Variants in ITGB3BP observed in about 807,000 individuals in gnomAD.
The protein encoded by ITGB3BP is integrin subunit beta 3 binding protein, also known as centromere protein R.
ITGB3BP carries 27 observed loss-of-function variants against 29.1 expected under a neutral mutation model. The ratio of observed to expected loss-of-function variants is 0.93; its 90% CI spans 0.68 to 1.28. The LOEUF (loss-of-function observed/expected upper bound fraction) is 1.28. Among genes scored for constraint, ITGB3BP ranks in the 50% most tolerant of loss-of-function variants. The pLI is 0.00. For missense variants in ITGB3BP, 192 were observed against 200.2 expected (o/e 0.96, Z 0.25); for synonymous variants, 61 against 61.4 (o/e 0.99, Z 0.03).
intron 7 of ITGB3BP, among the ~76,000 whole-genome samples, chr1:63,448,054 T>A (rs1644810204): frequency 2.6e-5 from 4 of 151,150 alleles, no homozygotes. Context: ...TTGGAAATCA[T>A]CATTCTCAGT....
intron 3 of ITGB3BP, among the ~76,000 whole-genome samples, chr1:63,480,365 T>C (rs1298917699): frequency 6.6e-6 from 1 of 152,182 alleles, no homozygotes; most frequent in East Asian, 1.9e-4. Context: ...GAGTACTTTA[T>C]ACTACCATAT....
At chr1:63,501,529 T>C (rs1311720948) in intron 2 of ITGB3BP, among the ~76,000 whole-genome samples, 2 of 151,840 alleles carry the variant, frequency 1.3e-5, no homozygotes, top group Non-Finnish European at 2.9e-5. Context: ...TGTTCTAGGA[T>C]TGGAGAGATT....
intron 1 of ITGB3BP, among the ~76,000 whole-genome samples, chr1:63,514,324 A>G (rs1646263979): frequency 6.6e-6 from 1 of 152,140 alleles, no homozygotes; most frequent in South Asian, 2.1e-4. Flanking sequence ...AACACCTTTT[A>G]CAAGTTTTTT....
chr1:63,456,282 G>C (rs1644935410), intron 4 of ITGB3BP, among the ~76,000 whole-genome samples: 3 of 152,050 alleles, frequency 2.0e-5, no homozygotes, highest in Admixed American at 2.0e-4. Context: ...AGAGACTTTT[G>C]ATAGCATTAT....
chr1:63,492,985 C>T (rs1230539104), intron 2 of ITGB3BP, among the ~76,000 whole-genome samples: 1 of 151,814 alleles, frequency 6.6e-6, no homozygotes, highest in African/African-American at 2.4e-5. Flanking sequence ...GTGGTGCATG[C>T]CTGTGGTCCC....
intron 2 of ITGB3BP, among the ~76,000 whole-genome samples, chr1:63,505,820 G>T (rs1447450590): frequency 6.6e-6 from 1 of 152,034 alleles, no homozygotes; most frequent in Non-Finnish European, 1.5e-5. Context: ...GTAGTTGAGC[G>T]GTTTTGAGTG....
chr1:63,493,438 AAACAAAC>A, intron 2 of ITGB3BP, among the ~76,000 whole-genome samples: 1 of 151,980 alleles, frequency 6.6e-6, no homozygotes, highest in East Asian at 1.9e-4. Context: ...ACAAACAAAC[AAACAAAC>A]AAACAAACAA....
chr1:63,470,027 CCTGCTGCAGTTAA>C (rs1331836823), intron 4 of ITGB3BP, among the ~76,000 whole-genome samples: 1 of 152,248 alleles, frequency 6.6e-6, no homozygotes. Context: ...AGGACATGCT[CCTGCTGCAGTTAA>C]CTAGCCCAAC....
At chr1:63,495,133 T>G (rs191414429) in intron 2 of ITGB3BP, among the ~76,000 whole-genome samples, 3 of 152,318 alleles carry the variant, frequency 2.0e-5, no homozygotes, top group Admixed American at 2.0e-4. Context: ...TTGGCTTTAC[T>G]TTAGGCCTAT....
upstream of ITGB3BP, among the ~76,000 whole-genome samples, chr1:63,524,363 G>A (rs938266864): frequency 6.6e-6 from 1 of 152,120 alleles, no homozygotes; most frequent in Non-Finnish European, 1.5e-5. Context: ...ATCCCTGTGG[G>A]GTCCTTCTAA....
chr1:63,477,280 G>A (rs773888845), intron 4 of ITGB3BP, among the ~76,000 whole-genome samples: 12 of 152,176 alleles, frequency 7.9e-5, no homozygotes, highest in Non-Finnish European at 1.3e-4. Context: ...ATAGATCTGT[G>A]CCCTGACTTG....
intron 4 of ITGB3BP, among the ~76,000 whole-genome samples, chr1:63,459,720 G>C (rs187115905): frequency 6.6e-6 from 1 of 151,912 alleles, no homozygotes; most frequent in Admixed American, 6.6e-5. Context: ...TTAATTATCC[G>C]GGTTTTATAA....
intron 7 of ITGB3BP, among the ~76,000 whole-genome samples, chr1:63,449,085 C>T (rs898519857): frequency 4.6e-5 from 7 of 152,086 alleles, no homozygotes; most frequent in South Asian, 4.1e-4. Context: ...AAGTGCTGCA[C>T]TGATTTAATA....
Position 63,446,969 on chromosome 1 carries a change from C to T in ITGB3BP, c.485-113G>A, listed in dbSNP as rs966223819. 5.4e-6 allele frequency: 4 copies of T among 740,794 alleles called. No homozygotes were observed. In the African/African-American group the frequency reaches 7.1e-5, roughly 13 times the overall value. 45.9% of individuals were successfully genotyped at this position (740,794 alleles called of 1,614,324 possible). A position where few individuals can be genotyped will look rare whatever the true frequency, so the allele number is the denominator to read the frequency against. On this transcript the variant is annotated intron_variant, in intron 7 of 8. Transcript: ENST00000271002. ...AAATGAAATTAAAACAACCTGAAGT[C>T]TTGTTTTATACTAATAGCAGCTCTA... is the stretch of plus-strand genomic sequence containing the variant.
chr1:63,456,652 G>A (rs958492460), intron 4 of ITGB3BP, among the ~76,000 whole-genome samples: 1 of 152,072 alleles, frequency 6.6e-6, no homozygotes, highest in African/African-American at 2.4e-5. Flanking sequence ...CCCTTTCCTG[G>A]GAGAACTGGA....
upstream of ITGB3BP, among the ~76,000 whole-genome samples, chr1:63,527,556 T>A (rs1646616672): frequency 6.6e-6 from 1 of 152,136 alleles, no homozygotes; most frequent in African/African-American, 2.4e-5. Context: ...AACTTTAAAG[T>A]AAACCCTGGC....
intron 1 of ITGB3BP, among the ~76,000 whole-genome samples, chr1:63,520,136 G>A (rs1446680156): frequency 2.0e-5 from 3 of 152,094 alleles, no homozygotes; most frequent in African/African-American, 7.2e-5. Context: ...AATGGGATTT[G>A]ATTACTTACA....
chr1:63,510,184 G>T (rs1320323618), intron 1 of ITGB3BP: 1 of 490,116 alleles, frequency 2.0e-6, no homozygotes, highest in Non-Finnish European at 3.7e-6. Context: ...GAGCAAAACT[G>T]TCTCAAAAAA....
rs373357443 is a variant in ITGB3BP, at chr1:63,472,521, G to C, written c.254+6243C>G. ...TTCCATGGTCTCCCTCTGATGCCGA[G>C]CCAAAGGTGGACGGTACTGCTGCCA... On this transcript the variant is annotated intron_variant, in intron 4 of 8. Transcript: ENST00000271002. Among the ~76,000 whole-genome samples the C allele has an allele frequency of 1.1e-4, 16 of 142,192 alleles. 1 individual carries two copies. In the East Asian group the frequency reaches 2.6e-3, roughly 23 times the overall value. 93.3% of individuals were successfully genotyped at this position (142,192 alleles called of 152,430 possible).
Sources: allele counts gnomAD v4.1 joint callset (sites outside exome capture counted in the v4.1 genomes callset), GRCh38; gene constraint gnomAD v4.1.1; transcripts MANE v1.5; gene names NCBI Gene and HGNC (gene_info 2026-07-23, HGNC 2026-07-21).